Variants in SLC6A19 observed in about 807,000 individuals in gnomAD.
The protein encoded by SLC6A19 is sodium-dependent neutral amino acid transporter B(0)AT1.
Under a neutral mutation model 68.3 loss-of-function variants are expected in SLC6A19, and 67 were observed. The ratio of observed to expected loss-of-function variants is 0.98; its 90% CI spans 0.81 to 1.20. The LOEUF is 1.20. Ranked by LOEUF, SLC6A19 falls within the 50% of genes most tolerant of loss-of-function variation. The probability of loss-of-function intolerance (pLI) is 0.00; values close to 1 mark genes in which losing one functional copy is unlikely to be tolerated. For missense variants in SLC6A19, 813 were observed against 851.6 expected, an observed-to-expected ratio of 0.95 and a Z score of 0.56; for synonymous variants, 392 against 374.9, an observed-to-expected ratio of 1.05 and a Z score of -0.53.
chr5:1,219,815 G>C, intron 10 of SLC6A19, 151 bp downstream of exon 10: 1 of 1,016,144 alleles, frequency 9.8e-7, no homozygotes, highest in Non-Finnish European at 1.5e-6. Context: ...GTGTAGACCT[G>C]TCCTGGCGGG....
At position 1,210,443 on chromosome 5, in the gene SLC6A19, G is replaced by A; in HGVS notation, c.344-1G>A. 6.2e-7 allele frequency: 1 copy of A among 1,613,002 alleles called. No individual in the cohort carries two copies. Among genetic ancestry groups the A allele is most frequent in the South Asian group, 1.1e-5 (1 of 91,080 alleles). ...AAGCCTCAGCAGCAGCCTCCCTGCA[G>A]GCCTGGCCTCCATGCTCACGTCCTT... On this transcript the variant is annotated splice_acceptor_variant, in intron 2 of 11. Transcript: ENST00000304460. LOFTEE classifies it high-confidence loss of function.
chr5:1,212,551 C>G lies in SLC6A19; in HGVS notation c.663+67C>G, dbSNP rs1011670530. 392 of 1,583,130 alleles carry G rather than the reference C, an allele frequency of 2.5e-4. 8 individuals carry two copies. The South Asian group carries it at 3.5e-3, about 14-fold the overall frequency. On this transcript the variant is annotated intron_variant, in intron 4 of 11. Coordinates refer to ENST00000304460, the MANE Select transcript of SLC6A19 (RefSeq NM_001003841.3). The surrounding 1 kb of genome is among the most constrained non-coding windows in gnomAD (Gnocchi z 5.1). ...CGGGTGCGGGCAGCCCTGCCTCCGG[C>G]CGGCTGCACTCTAAAACCCAGGTCT...
chr5:1,211,424 C>T (rs377039702), intron 3 of SLC6A19, among the ~76,000 whole-genome samples: 3 of 152,230 alleles, frequency 2.0e-5, no homozygotes, highest in African/African-American at 7.2e-5. Context: ...AGCCCGGGAG[C>T]GCAAACACTC....
chr5:1,214,742 G>T lies in SLC6A19; in HGVS notation c.887+677G>T, dbSNP rs1381784339. Among the ~76,000 whole-genome samples, 1 of 151,696 alleles carries T rather than the reference G, an allele frequency of 6.6e-6. No individual in the cohort carries two copies. Among genetic ancestry groups the T allele is most frequent in the Non-Finnish European group, 1.5e-5 (1 of 67,870 alleles). On this transcript the variant is annotated intron_variant, in intron 6 of 11. Coordinates refer to ENST00000304460, the MANE Select transcript of SLC6A19 (RefSeq NM_001003841.3). This position sits in a 1 kb window ranked among gnomAD's most constrained non-coding sequence, Gnocchi z 7.4. ...CTGGGGGTGAGGGAGGACTCCTAGG[G>T]GTCAGGGTGGCCCTCCAGGCTGTGA...
In SLC6A19 at chr5:1,218,942, G is replaced by T; in HGVS notation, c.1213G>T (p.Glu405Ter). The T allele has an allele frequency of 6.2e-7, 1 of 1,613,980 alleles. No individual in the cohort carries two copies. The highest frequency in any genetic ancestry group is 8.5e-7 in the Non-Finnish European group (1 of 1,180,020). Residue 405 changes from glutamate (E) to a stop codon, truncating the protein, a stop_gained, in exon 9 of 12, where the codon GAG becomes TAG. Transcript: ENST00000304460. LOFTEE classifies it high-confidence loss of function. ...AGGCCTGGCCTTCATCGTCTTCACCGAGGCCATCACCAAGATGCCGTTGTC... is the reference window on the plus strand; with the variant it reads ...AGGCCTGGCCTTCATCGTCTTCACCTAGGCCATCACCAAGATGCCGTTGTC... Reference protein sequence around the residue: ...GTGLAFIVFTEAITKMPLSPL... With the variant: ...GTGLAFIVFT
intron 8 of SLC6A19, among the ~76,000 whole-genome samples, chr5:1,218,007 G>GCCTCCTCCCT (rs1165109852): frequency 6.6e-6 from 1 of 151,224 alleles, no homozygotes; most frequent in African/African-American, 2.4e-5. Flanking sequence ...CCATCCTGGC[G>GCCTCCTCCCT]CCTCCTCCCG....
intron 1 of SLC6A19, among the ~76,000 whole-genome samples, chr5:1,205,435 C>T (rs1464771385): frequency 6.6e-6 from 1 of 152,206 alleles, no homozygotes; most frequent in Non-Finnish European, 1.5e-5. Flanking sequence ...TGTGTGCCCC[C>T]CACCCCCAGT....
chr5:1,209,293 T>G lies in SLC6A19; in HGVS notation c.343+407T>G, dbSNP rs1400372354. Among the ~76,000 whole-genome samples, 1 of 151,982 alleles carries G rather than the reference T, an allele frequency of 6.6e-6. No individual in the cohort carries two copies. The highest frequency in any genetic ancestry group is 1.9e-4 in the East Asian group (1 of 5,168). On this transcript the variant is annotated intron_variant, in intron 2 of 11. Transcript: ENST00000304460. The surrounding 1 kb of genome is among the most constrained non-coding windows in gnomAD (Gnocchi z 5.5). ...CACTGACACCCCCAGACATAGTCACTCATTTATAAGCTCTGGGGCCCAGGA... is the reference window on the plus strand; with the variant it reads ...CACTGACACCCCCAGACATAGTCACGCATTTATAAGCTCTGGGGCCCAGGA...
intron 1 of SLC6A19, among the ~76,000 whole-genome samples, chr5:1,204,138 G>A (rs1397221865): frequency 6.6e-6 from 1 of 152,224 alleles, no homozygotes; most frequent in Non-Finnish European, 1.5e-5. Context: ...TCGAGGGGAA[G>A]CAGGCAGCCA....
At position 1,209,837 on chromosome 5, in the gene SLC6A19, A is replaced by G. The variant is rs1333270928; in HGVS notation, c.344-607A>G. ...TCACACTCACATATTCACAACACAC[A>G]TTTGGTTTTGAGTTTGAAACTTCAG... On this transcript the variant is annotated intron_variant, in intron 2 of 11. Transcript: ENST00000304460. This position sits in a 1 kb window ranked among gnomAD's most constrained non-coding sequence, Gnocchi z 5.5. 2.0e-5 allele frequency among the ~76,000 whole-genome samples: 3 copies of G among 151,746 alleles called. No homozygotes were observed. The highest frequency in any genetic ancestry group is 4.4e-5 in the Non-Finnish European group (3 of 67,968).
At chr5:1,202,224 C>T (rs563226355) in intron 1 of SLC6A19, among the ~76,000 whole-genome samples, 108 of 152,310 alleles carry the variant, frequency 7.1e-4, no homozygotes, top group African/African-American at 2.2e-3. Flanking sequence ...CATCACCTCT[C>T]GTCCCAGCCC....
chr5:1,208,771 C>T lies in SLC6A19; in HGVS notation c.228C>T (p.Ile76=). 4 of 1,613,512 alleles carry T rather than the reference C, an allele frequency of 2.5e-6. No individual in the cohort carries two copies. Among genetic ancestry groups the T allele is most frequent in the South Asian group, 2.2e-5 (2 of 91,086 alleles). Residue 76 remains isoleucine, a synonymous_variant, in exon 2 of 12, where the codon ATC becomes ATT. Coordinates refer to ENST00000304460, the MANE Select transcript of SLC6A19 (RefSeq NM_001003841.3). The part of the protein sequence containing the change: ...GGGAFMIPFL[I]LLVLEGIPLL... The stretch of plus-strand genomic sequence containing the variant: ...GAGCCTTCATGATCCCGTTCCTCAT[C>T]CTGCTGGTCCTGGAGGGCATCCCCC...
At chr5:1,217,629 G>A (rs1262996413) in intron 8 of SLC6A19, among the ~76,000 whole-genome samples, 4 of 152,222 alleles carry the variant, frequency 2.6e-5, no homozygotes, top group Admixed American at 2.0e-4. Flanking sequence ...AGGGCTCCGC[G>A]GCCTCTCCCG....
intron 1 of SLC6A19, 58 bp downstream of exon 1, chr5:1,201,910 G>A (rs1745716377): frequency 6.4e-6 from 10 of 1,560,810 alleles, no homozygotes; most frequent in East Asian, 4.6e-5. Context: ...ACAGACACAC[G>A]CAGAGGCCCT....
intron 8 of SLC6A19, among the ~76,000 whole-genome samples, chr5:1,217,251 C>A (rs991020830): frequency 6.6e-5 from 10 of 152,280 alleles, no homozygotes; most frequent in South Asian, 2.1e-4. Context: ...CAAAACACCC[C>A]CTGGGGCCAT....
At chr5:1,211,967 ATGTG>A (rs34946582) in intron 3 of SLC6A19, among the ~76,000 whole-genome samples, 1 of 143,524 alleles carries the variant, frequency 7.0e-6, no homozygotes, top group Non-Finnish European at 1.5e-5. Context: ...GCCTGTGTGC[ATGTG>A]TGTGTGTTGT....
rs1201167903 is a variant in SLC6A19 at position 1,212,849 on chromosome 5, T to C, written c.663+365T>C. ...GGAAATGGAAGAGTAAGGCTTGATC[T>C]TCCCCTACATGGGAATCTTTGGTAC... On this transcript the variant is annotated intron_variant, in intron 4 of 11. Coordinates refer to ENST00000304460, the MANE Select transcript of SLC6A19 (RefSeq NM_001003841.3). This position sits in a 1 kb window ranked among gnomAD's most constrained non-coding sequence, Gnocchi z 5.1. Among the ~76,000 whole-genome samples the C allele has an allele frequency of 6.6e-6, 1 of 152,096 alleles. No individual in the cohort carries two copies. The highest frequency in any genetic ancestry group is 1.5e-5 in the Non-Finnish European group (1 of 67,992).
In SLC6A19 at chr5:1,213,465, C is replaced by T. The variant is rs776483311; in HGVS notation, c.666C>T (p.Ala222=). 3.8e-5 allele frequency: 61 copies of T among 1,600,956 alleles called. 1 individual carries two copies. Among genetic ancestry groups the T allele is most frequent in the South Asian group, 3.2e-4 (29 of 90,298 alleles). ...CCCACATGTCCCGCCCTCCGCAGGCCGTGTACATCACCTCCACGCTGCCCT... is the reference window on the plus strand; with the variant it reads ...CCCACATGTCCCGCCCTCCGCAGGCTGTGTACATCACCTCCACGCTGCCCT... ...TIRGIETTGK[A]VYITSTLPYV... is the part of the protein sequence containing the mutation. The change falls in exon 5 of 12, where the codon GCC becomes GCT. Residue 222 remains alanine, a splice_region_variant and synonymous_variant. Transcript: ENST00000304460.
At position 1,216,903 on chromosome 5, in the gene SLC6A19, G is replaced by C; in HGVS notation, c.1131G>C (p.Gln377His). Reference sequence around the variant, plus strand: ...CCTCCGACCCCGCGGCCTACGCGCAGCTGGTGTTCCAGACCTGCGACATCA... The same window carrying C: ...CCTCCGACCCCGCGGCCTACGCGCACCTGGTGTTCCAGACCTGCGACATCA... ...CNASDPAAYA[Q>H]LVFQTCDINA... is the part of the protein sequence containing the mutation. Residue 377 changes from glutamine to histidine, a missense_variant, in exon 8 of 12, where the codon CAG (glutamine) becomes CAC (histidine). Physicochemically the swap from Gln to His is conservative, Grantham distance 24. Coordinates refer to ENST00000304460, the MANE Select transcript of SLC6A19 (RefSeq NM_001003841.3). 6.2e-7 allele frequency: 1 copy of C among 1,613,580 alleles called. No homozygotes were observed. The highest frequency in any genetic ancestry group is 2.2e-5 in the East Asian group (1 of 44,890).
Sources: gnomAD v4.1 joint callset for allele counts (sites outside exome capture counted in the v4.1 genomes callset) on GRCh38, gnomAD v4.1.1 for gene constraint, Gnocchi (gnomAD v3.1) non-coding constraint, MANE v1.5 for transcripts, NCBI Gene and HGNC (gene_info 2026-07-23, HGNC 2026-07-21) for gene names.